Variants in ROBO2 observed in about 807,000 individuals in gnomAD.
ROBO2 encodes the protein roundabout guidance receptor 2.
ROBO2 carries 53 observed loss-of-function variants against 160.8 expected under a neutral mutation model. The observed-to-expected ratio is 0.33, with a 90% CI of 0.26 to 0.41. The LOEUF is 0.41. ROBO2 is among the 10% of genes least tolerant of loss of function. ROBO2 has a pLI of 1.00. For missense variants in ROBO2, 1,577 were observed against 1,722.4 expected, an observed-to-expected ratio of 0.92 and a Z score of 1.49; for synonymous variants, 664 against 611.7, an observed-to-expected ratio of 1.09 and a Z score of -1.26.
Position 76,064,016 on chromosome 3 carries a change from C to T in ROBO2, c.109+126414C>T, listed in dbSNP as rs948994505. On this transcript the variant is annotated intron_variant, in intron 2 of 26. Transcript: ENST00000487694. ...GCCTCCAAGAGTTGAAAGCAACTCT[C>T]GTTGACAACCAGCAGAGAAACAGGG... Among the ~76,000 whole-genome samples, 3 of 152,146 alleles carry T rather than the reference C, an allele frequency of 2.0e-5. No individual in the cohort carries two copies. In the East Asian group the frequency reaches 5.8e-4, roughly 29 times the overall value.
At chr3:77,415,063 G>A (rs1285735847) in intron 2 of ROBO2, among the ~76,000 whole-genome samples, 2 of 152,170 alleles carry the variant, frequency 1.3e-5, no homozygotes, top group Non-Finnish European at 2.9e-5. Flanking sequence ...CAACAGGAAA[G>A]AATATTTAAC....
chr3:76,409,660 A>G (rs1252266579), intron 2 of ROBO2, among the ~76,000 whole-genome samples: 1 of 152,072 alleles, frequency 6.6e-6, no homozygotes, highest in African/African-American at 2.4e-5. Flanking sequence ...CTGACTTTCA[A>G]ACTAAGCTCT....
At chr3:77,293,182 G>A (rs1165621848) in intron 2 of ROBO2, among the ~76,000 whole-genome samples, 2 of 147,142 alleles carry the variant, frequency 1.4e-5, no homozygotes, top group African/African-American at 2.5e-5. Flanking sequence ...GAACAGTAAA[G>A]ACATAAAGTA....
At chr3:76,580,504 A>ATCT (rs2085632829) in intron 2 of ROBO2, among the ~76,000 whole-genome samples, 1 of 151,964 alleles carries the variant, frequency 6.6e-6, no homozygotes, top group Non-Finnish European at 1.5e-5. Context: ...CACTTTAAAT[A>ATCT]TCTTACTCTA....
At chr3:76,211,024 T>G (rs1210766598) in intron 2 of ROBO2, among the ~76,000 whole-genome samples, 2 of 152,086 alleles carry the variant, frequency 1.3e-5, no homozygotes, top group Non-Finnish European at 2.9e-5. Context: ...TCTTTTGTAA[T>G]GAGTGACGTA....
intron 2 of ROBO2, among the ~76,000 whole-genome samples, chr3:77,436,774 C>T (rs1316636963): frequency 6.6e-6 from 1 of 151,640 alleles, no homozygotes; most frequent in African/African-American, 2.4e-5. Context: ...TATCTAGATG[C>T]TATTTATGTT....
intron 2 of ROBO2, among the ~76,000 whole-genome samples, chr3:76,599,018 C>T (rs12629503): frequency 3.9e-5 from 6 of 151,914 alleles, no homozygotes; most frequent in South Asian, 2.1e-4. Context: ...TCTTTAATTA[C>T]GTTCTACATG....
At chr3:77,283,460 A>G (rs1261549882) in intron 2 of ROBO2, among the ~76,000 whole-genome samples, 3 of 152,248 alleles carry the variant, frequency 2.0e-5, no homozygotes, top group Non-Finnish European at 2.9e-5. Flanking sequence ...TACAAAGATG[A>G]CAAAGCTTTT....
intron 2 of ROBO2, among the ~76,000 whole-genome samples, chr3:77,264,158 T>A (rs1035677388): frequency 3.3e-5 from 5 of 152,190 alleles, no homozygotes; most frequent in Admixed American, 3.3e-4. Flanking sequence ...ATTCAGTGCT[T>A]TTAACAAATG....
At chr3:76,156,662 T>C (rs2072420444) in intron 2 of ROBO2, among the ~76,000 whole-genome samples, 2 of 152,156 alleles carry the variant, frequency 1.3e-5, no homozygotes, top group African/African-American at 4.8e-5. Flanking sequence ...AATTATAGAA[T>C]TAACGAACTT....
intron 2 of ROBO2, among the ~76,000 whole-genome samples, chr3:76,669,325 G>T (rs907145699): frequency 1.3e-5 from 2 of 152,112 alleles, no homozygotes; most frequent in Non-Finnish European, 2.9e-5. Context: ...ATGGGGAAAA[G>T]AATTCCATAA....
chr3:76,102,212 A>G (rs1428218322), intron 2 of ROBO2, among the ~76,000 whole-genome samples: 19 of 152,244 alleles, frequency 1.2e-4, no homozygotes, highest in Non-Finnish European at 1.5e-5. Flanking sequence ...AAATCACATC[A>G]GATTTTGAAG....
chr3:76,214,680 C>T (rs372397511), intron 2 of ROBO2, among the ~76,000 whole-genome samples: 4 of 152,202 alleles, frequency 2.6e-5, no homozygotes, highest in Non-Finnish European at 5.9e-5. Context: ...TGAACTGGGT[C>T]GAGCCCACCA....
chr3:76,701,901 A>G (rs1358019040), intron 2 of ROBO2, among the ~76,000 whole-genome samples: 2 of 151,594 alleles, frequency 1.3e-5, no homozygotes, highest in Non-Finnish European at 2.9e-5. Flanking sequence ...TTGTTCGGAG[A>G]ACTGTATGTA....
At chr3:76,670,593 C>CT (rs971533614) in intron 2 of ROBO2, among the ~76,000 whole-genome samples, 8 of 152,028 alleles carry the variant, frequency 5.3e-5, no homozygotes, top group African/African-American at 1.9e-4. Context: ...TCATACTGAT[C>CT]TATTACATGC....
chr3:77,418,079 T>C (rs1430458025), intron 2 of ROBO2, among the ~76,000 whole-genome samples: 1 of 152,144 alleles, frequency 6.6e-6, no homozygotes, highest in Non-Finnish European at 1.5e-5. Flanking sequence ...CTCAAGTGAT[T>C]TCTTAAAAAA....
At chr3:76,714,497 G>T (rs1560430418) in intron 2 of ROBO2, among the ~76,000 whole-genome samples, 1 of 152,154 alleles carries the variant, frequency 6.6e-6, no homozygotes. Context: ...TTGTGAGATT[G>T]ACACATAGCA....
At chr3:76,401,733 A>G (rs1466951642) in intron 2 of ROBO2, among the ~76,000 whole-genome samples, 2 of 151,382 alleles carry the variant, frequency 1.3e-5, no homozygotes, top group African/African-American at 2.4e-5. Flanking sequence ...CTTTACTCTG[A>G]CAAGAACAAA....
intron 2 of ROBO2, among the ~76,000 whole-genome samples, chr3:77,395,016 A>C (rs1415199709): frequency 6.6e-6 from 1 of 152,166 alleles, no homozygotes; most frequent in African/African-American, 2.4e-5. Context: ...TCACAGACTC[A>C]AACTATGAAG....
Sources: allele counts gnomAD v4.1 joint callset (sites outside exome capture counted in the v4.1 genomes callset), GRCh38; gene constraint gnomAD v4.1.1; transcripts MANE v1.5; gene names NCBI Gene and HGNC (gene_info 2026-07-23, HGNC 2026-07-21).